Variants in PRDM15 observed in about 807,000 individuals in gnomAD.
PRDM15 encodes PR domain zinc finger protein 15.
PRDM15 carries 64 observed loss-of-function variants against 128.6 expected under a neutral mutation model. That is an observed-to-expected ratio of 0.50 (90% CI 0.41 to 0.61). The LOEUF (loss-of-function observed/expected upper bound fraction) is 0.61, where lower values mean the gene tolerates loss of function less well. PRDM15 is among the 20% of genes least tolerant of loss of function. The pLI is 0.00. For synonymous variants in PRDM15, 615 were observed against 621.8 expected, an observed-to-expected ratio of 0.99 and a Z score of 0.16; for missense variants, 1,242 against 1,569.1, an observed-to-expected ratio of 0.79 and a Z score of 3.52.
At chr21:41,863,771 C>T (rs1251895793) in intron 1 of PRDM15, among the ~76,000 whole-genome samples, 3 of 152,112 alleles carry the variant, frequency 2.0e-5, no homozygotes, top group Admixed American at 6.5e-5. Flanking sequence ...ACTTTGATAC[C>T]GGTGAGAAGG....
At chr21:41,839,075 T>C (rs1455092549) in intron 7 of PRDM15, among the ~76,000 whole-genome samples, 1 of 151,834 alleles carries the variant, frequency 6.6e-6, no homozygotes, top group East Asian at 1.9e-4. Flanking sequence ...TGGAAGAGGG[T>C]CAAATGCCTC....
intron 1 of PRDM15, chr21:41,867,392 A>C (rs778597732): frequency 5.4e-5 from 86 of 1,601,986 alleles, no homozygotes; most frequent in Non-Finnish European, 7.1e-5. Context: ...AAGCAGTGAA[A>C]GGAAAGCAAG....
At chr21:41,836,042 A>G (rs1468826300) in intron 10 of PRDM15, 71 bp downstream of exon 10, 2 of 911,000 alleles carry the variant, frequency 2.2e-6, no homozygotes, top group Non-Finnish European at 3.3e-6. Flanking sequence ...TCATTACAAC[A>G]TGGTGATTTG....
Position 41,836,106 on chromosome 21 carries a change from C to T in PRDM15, c.1278+7G>A. ...GGGAAGAGAACCCTGGGCTTGTTTC[C>T]ACCCACCTCGTTCCTGCTGTGCTTG... is the stretch of plus-strand genomic sequence containing the variant. On this transcript the variant is annotated splice_region_variant and intron_variant, in intron 10 of 23. Transcript: ENST00000398548. The T allele has an allele frequency of 6.2e-7, 1 of 1,610,224 alleles. No homozygotes were observed. Among genetic ancestry groups the T allele is most frequent in the Non-Finnish European group, 8.5e-7 (1 of 1,176,904 alleles).
At position 41,874,519 on chromosome 21, in the gene PRDM15, A is replaced by ATTTTT. The variant is rs1453363784; in HGVS notation, c.-10+4750_-10+4751insAAAAA. Among the ~76,000 whole-genome samples the ATTTTT allele has an allele frequency of 5.2e-3, 262 of 50,562 alleles. 1 individual carries two copies. Among genetic ancestry groups the ATTTTT allele is most frequent in the African/African-American group, 0.016 (249 of 15,294 alleles). 33.2% of individuals were successfully genotyped at this position (50,562 alleles called of 152,430 possible). On this transcript the variant is annotated intron_variant, in intron 1 of 23. Transcript: ENST00000398548. The stretch of plus-strand genomic sequence containing the variant: ...GCAGCATGCATATATATATATATAT[A>ATTTTT]TATATATTTTTTTTTTTTTTTGAAA...
intron 18 of PRDM15, among the ~76,000 whole-genome samples, chr21:41,819,004 C>T (rs2062150889): frequency 1.3e-5 from 2 of 152,162 alleles, no homozygotes; most frequent in South Asian, 2.1e-4. Flanking sequence ...TGTCAGACCC[C>T]GTGGTGGCTT....
chr21:41,817,240 T>C (rs746510144), intron 18 of PRDM15, among the ~76,000 whole-genome samples: 3 of 152,258 alleles, frequency 2.0e-5, no homozygotes, highest in Non-Finnish European at 4.4e-5. Flanking sequence ...TAAATACTTA[T>C]AATTTCTAAT....
chr21:41,847,810 C>T (rs143341439), intron 5 of PRDM15, among the ~76,000 whole-genome samples: 201 of 152,310 alleles, frequency 1.3e-3, no homozygotes, highest in African/African-American at 4.4e-3. Context: ...GGTAGGGGGC[C>T]GCTATCCCAG....
chr21:41,818,221 A>G (rs1233891834), intron 18 of PRDM15, among the ~76,000 whole-genome samples: 2 of 152,210 alleles, frequency 1.3e-5, no homozygotes, highest in Admixed American at 1.3e-4. Context: ...GACGCGGATA[A>G]AGAGCAAGCC....
At chr21:41,835,841 G>C (rs1568953712) in intron 10 of PRDM15, among the ~76,000 whole-genome samples, 1 of 149,668 alleles carries the variant, frequency 6.7e-6, no homozygotes, top group African/African-American at 2.5e-5. Flanking sequence ...GACACCCACA[G>C]CCTTCACCCG....
rs940660165 is a variant in PRDM15 at position 41,836,134 on chromosome 21, G to C, written c.1257C>G (p.Ser419=). ...CCACCTCGTTCCTGCTGTGCTTGTAGGAAACGTGCTGCTTTAGGCTCTCTT... is the reference window on the plus strand; with the variant it reads ...CCACCTCGTTCCTGCTGTGCTTGTACGAAACGTGCTGCTTTAGGCTCTCTT... ...SRKESLKQHV[S]YKHSRNEVDG... is the part of the protein sequence containing the mutation. Residue 419 remains serine, a synonymous_variant, in exon 10 of 24, where the codon TCC becomes TCG. Transcript: ENST00000398548. 1.2e-6 allele frequency: 2 copies of C among 1,613,816 alleles called. No individual in the cohort carries two copies. The highest frequency in any genetic ancestry group is 2.7e-5 in the African/African-American group (2 of 74,836).
At chr21:41,835,589 G>A (rs961207008) in intron 10 of PRDM15, 65 bp from the exon 11 acceptor site, 105 of 1,388,878 alleles carry the variant, frequency 7.6e-5, no homozygotes, top group Non-Finnish European at 9.8e-5. Flanking sequence ...CCGAGCCCCC[G>A]ACGTGCTGCC....
intron 11 of PRDM15, among the ~76,000 whole-genome samples, chr21:41,833,682 G>C (rs1197255550): frequency 6.6e-6 from 1 of 152,190 alleles, no homozygotes; most frequent in Admixed American, 6.5e-5. Context: ...GAGGTGGTGC[G>C]ATGCAGGTCC....
rs778798116 is a variant in PRDM15, at chr21:41,878,800, TCGGCGACGACGCCGCC to T, written c.-10+454_-10+469del. 4 of 1,264,430 alleles carry T rather than the reference TCGGCGACGACGCCGCC, an allele frequency of 3.2e-6. No homozygotes were observed. The East Asian group carries it at 9.2e-5, about 29-fold the overall frequency. The allele number at this position is 1,264,430 out of a possible 1,614,324, so 78.3% of individuals were successfully genotyped here. A position where few individuals can be genotyped will look rare whatever the true frequency, so the allele number is the denominator to read the frequency against. ...GGGGATAACGACATCCCCTGGGGCC[TCGGCGACGACGCCGCC>T]CGGCGGCGGGGGCCGCGGGGCCGCG... On this transcript the variant is annotated intron_variant, in intron 1 of 23. Coordinates refer to ENST00000398548, the MANE Select transcript of PRDM15 (RefSeq NM_001040424.3).
In PRDM15 at chr21:41,798,518, G is replaced by C. The variant is rs935868412; in HGVS notation, c.*2722C>G. ...TTTCCTGAGAACACGTCACACGCTA[G>C]AGCATTCCAGAGGCCCGAGCCCCTT... On this transcript the variant is annotated 3_prime_UTR_variant, in exon 24 of 24. Transcript: ENST00000398548. The C allele has an allele frequency of 1.3e-5, 2 of 152,336 alleles. No homozygotes were observed. Among genetic ancestry groups the C allele is most frequent in the African/African-American group, 4.8e-5 (2 of 41,448 alleles). 9.4% of individuals were successfully genotyped at this position (152,336 alleles called of 1,614,324 possible).
At chr21:41,818,070 C>T (rs940314274) in intron 18 of PRDM15, among the ~76,000 whole-genome samples, 5 of 152,240 alleles carry the variant, frequency 3.3e-5, no homozygotes, top group Admixed American at 1.3e-4. Context: ...TAAGCCCCCA[C>T]CCCTGCCCCT....
chr21:41,838,388 G>A (rs1026142689), intron 7 of PRDM15, among the ~76,000 whole-genome samples: 6 of 152,244 alleles, frequency 3.9e-5, no homozygotes, highest in Admixed American at 2.0e-4. Flanking sequence ...CAGAAACTTC[G>A]AACTTACTAC....
intron 1 of PRDM15, chr21:41,871,446 GT>G: frequency 6.7e-7 from 1 of 1,488,976 alleles, no homozygotes; most frequent in Non-Finnish European, 9.0e-7. Flanking sequence ...GCCACAGGCT[GT>G]CCCTGTCTGG....
intron 1 of PRDM15, among the ~76,000 whole-genome samples, chr21:41,874,525 A>ATATATATATATTTTTT: frequency 7.3e-5 from 7 of 95,820 alleles, no homozygotes; most frequent in Non-Finnish European, 1.2e-4. Context: ...ATATATATAT[A>ATATATATATATTTTTT]TTTTTTTTTT....
Sources: allele counts gnomAD v4.1 joint callset (sites outside exome capture counted in the v4.1 genomes callset), GRCh38; gene constraint gnomAD v4.1.1; transcripts MANE v1.5; gene names NCBI Gene and HGNC (gene_info 2026-07-23, HGNC 2026-07-21).